Variants in TAS2R1 observed in about 807,000 individuals in gnomAD.
The protein encoded by TAS2R1 is taste receptor type 2 member 1.
For synonymous variants in TAS2R1, 141 were observed against 134.2 expected (o/e 1.05, Z -0.35); for missense variants, 370 against 353.4 (o/e 1.05, Z -0.38).
chr5:9,799,143 G>GCACC, the TAS2R1 span, among the ~76,000 whole-genome samples: 1 of 152,172 alleles, frequency 6.6e-6, no homozygotes, highest in Admixed American at 6.5e-5. Flanking sequence ...GTCACTAGGT[G>GCACC]GGAAGAAAAC....
chr5:9,708,898 A>G (rs194065), intron 1 of TAS2R1, among the ~76,000 whole-genome samples: 129,135 of 152,142 alleles, frequency 0.85, 55,168 homozygotes, highest in African/African-American at 0.94. Flanking sequence ...CACATCAAGC[A>G]TAATAATTTC....
the TAS2R1 span, chr5:9,854,552 G>A: frequency 6.6e-6 from 1 of 152,152 alleles, no homozygotes; most frequent in Non-Finnish European, 1.5e-5. Context: ...TTGAAGGTAA[G>A]ATGAGACTCA....
chr5:9,639,383 A>G (rs1223791810), intron 2 of TAS2R1, among the ~76,000 whole-genome samples: 1 of 152,160 alleles, frequency 6.6e-6, no homozygotes, highest in East Asian at 1.9e-4. Context: ...TTCTCCTGTG[A>G]TCTGGATTTT....
In TAS2R1 at chr5:9,658,512, C is replaced by T. The variant is rs553353069; in HGVS notation, c.-81+909G>A. On this transcript the variant is annotated intron_variant, in intron 2 of 2. Coordinates refer to the TAS2R1 transcript ENST00000506620. ...CGTGAATGTGCCTCTTTGACAAGCTCACCGGTGCTGCCAGTGCTGCTCGGC... is the reference window on the plus strand; with the variant it reads ...CGTGAATGTGCCTCTTTGACAAGCTTACCGGTGCTGCCAGTGCTGCTCGGC... 20 of 152,282 alleles carry T rather than the reference C, an allele frequency of 1.3e-4. No individual in the cohort carries two copies. The East Asian group carries it at 3.9e-3, about 29-fold the overall frequency. The allele number at this position is 152,282 out of a possible 1,614,324, so 9.4% of individuals were successfully genotyped here.
intron 1 of TAS2R1, among the ~76,000 whole-genome samples, chr5:9,699,191 T>A (rs1304985990): frequency 6.6e-6 from 1 of 152,214 alleles, no homozygotes; most frequent in Non-Finnish European, 1.5e-5. Flanking sequence ...GCCTGCAAAC[T>A]ATGGACTAAA....
At chr5:9,845,928 A>T in the TAS2R1 span, among the ~76,000 whole-genome samples, 1 of 152,258 alleles carries the variant, frequency 6.6e-6, no homozygotes, top group Non-Finnish European at 1.5e-5. Context: ...AACAAAAATA[A>T]GAGAGGCAAT....
chr5:9,901,252 C>T, the TAS2R1 span, among the ~76,000 whole-genome samples: 1 of 149,804 alleles, frequency 6.7e-6, no homozygotes, highest in Admixed American at 6.7e-5. Flanking sequence ...GATGTAGCAG[C>T]AGAAAAAAGG....
the TAS2R1 span, among the ~76,000 whole-genome samples, chr5:9,880,638 T>C: frequency 8.3e-6 from 1 of 120,620 alleles, no homozygotes; most frequent in South Asian, 2.8e-4. Flanking sequence ...CAAAAATGTC[T>C]CCAGGCATTT....
intron 1 of TAS2R1, among the ~76,000 whole-genome samples, chr5:9,686,275 G>A (rs1478685462): frequency 6.6e-6 from 1 of 152,146 alleles, no homozygotes; most frequent in Non-Finnish European, 1.5e-5. Context: ...TGTCCTGAAT[G>A]CCAGCATGTC....
At chr5:9,724,384 C>T in the TAS2R1 span, among the ~76,000 whole-genome samples, 1 of 137,846 alleles carries the variant, frequency 7.3e-6, no homozygotes, top group Non-Finnish European at 1.5e-5. Context: ...TTATTATATC[C>T]TTTAAGGTCA....
the TAS2R1 span, among the ~76,000 whole-genome samples, chr5:9,847,319 T>C: frequency 1.3e-5 from 2 of 152,234 alleles, no homozygotes; most frequent in Non-Finnish European, 2.9e-5. Context: ...TAGATCCTTT[T>C]TTAAAAAAGT....
rs1484091939 is a variant in TAS2R1, at chr5:9,628,449, CATCT to C, written c.*680_*683del. ...CAGTCCTCTACTCCTCCTCCTCCTCCATCTGTCTTCCCCTTTATCAGTTGATTGG... is the reference window on the plus strand; with the variant it reads ...CAGTCCTCTACTCCTCCTCCTCCTCCGTCTTCCCCTTTATCAGTTGATTGG... On this transcript the variant is annotated 3_prime_UTR_variant, in exon 1 of 1. Transcript: ENST00000382492. Among the ~76,000 whole-genome samples, 1 of 152,182 alleles carries C rather than the reference CATCT, an allele frequency of 6.6e-6. No homozygotes were observed. Among genetic ancestry groups the C allele is most frequent in the African/African-American group, 2.4e-5 (1 of 41,430 alleles).
the TAS2R1 span, among the ~76,000 whole-genome samples, chr5:9,744,356 A>C: frequency 6.6e-6 from 1 of 152,228 alleles, no homozygotes; most frequent in Non-Finnish European, 1.5e-5. Flanking sequence ...AAAATTATTA[A>C]GTGGACACGT....
At position 9,686,067 on chromosome 5, in the gene TAS2R1, G is replaced by A. The variant is rs1284469302; in HGVS notation, c.-242+26105C>T. ...TTTAGTAGAGACAGGGTTTCGCCAT[G>A]TTGACCAGGCTGATCTCGAACTCCT... On this transcript the variant is annotated intron_variant, in intron 1 of 2. Coordinates refer to the TAS2R1 transcript ENST00000506620. 5.3e-5 allele frequency among the ~76,000 whole-genome samples: 8 copies of A among 152,128 alleles called. No individual in the cohort carries two copies. In the East Asian group the frequency reaches 1.5e-3, roughly 29 times the overall value.
chr5:9,793,562 C>T, the TAS2R1 span, among the ~76,000 whole-genome samples: 1 of 152,132 alleles, frequency 6.6e-6, no homozygotes, highest in Non-Finnish European at 1.5e-5. Context: ...AGCTCAGATG[C>T]CCATATGCAC....
At chr5:9,845,223 GC>G in the TAS2R1 span, among the ~76,000 whole-genome samples, 1 of 152,162 alleles carries the variant, frequency 6.6e-6, no homozygotes, top group African/African-American at 2.4e-5. Flanking sequence ...CACCCCACAT[GC>G]ACCAAGGAAA....
the TAS2R1 span, among the ~76,000 whole-genome samples, chr5:9,718,621 T>C: frequency 1.3e-5 from 2 of 151,988 alleles, no homozygotes; most frequent in Non-Finnish European, 2.9e-5. Context: ...CCCTCATCTC[T>C]ACAAAACAAA....
the TAS2R1 span, among the ~76,000 whole-genome samples, chr5:9,814,484 C>T: frequency 5.6e-4 from 85 of 152,052 alleles, no homozygotes; most frequent in Middle Eastern, 3.4e-3. Flanking sequence ...CATTTTTTTT[C>T]ATCCAGATAT....
At chr5:9,806,630 CAA>C in the TAS2R1 span, among the ~76,000 whole-genome samples, 1,625 of 152,124 alleles carry the variant, frequency 0.011, 21 homozygotes, top group African/African-American at 0.034. Flanking sequence ...GCCAAGCAAA[CAA>C]AAACATAAAG....
Sources: allele counts gnomAD v4.1 joint callset (sites outside exome capture counted in the v4.1 genomes callset), GRCh38; gene constraint gnomAD v4.1.1; transcripts MANE v1.5; gene names NCBI Gene and HGNC (gene_info 2026-07-23, HGNC 2026-07-21).